The following ZSCAN26 variants were observed in gnomAD, a reference collection of about 807,000 sequenced individuals.
The protein encoded by ZSCAN26 is zinc finger and SCAN domain containing 26.
A neutral mutation model predicts 23.0 loss-of-function variants in ZSCAN26; 26 were observed. The ratio of observed to expected loss-of-function variants is 1.13; its 90% confidence interval spans 0.83 to 1.57. The LOEUF (loss-of-function observed/expected upper bound fraction) is 1.57. ZSCAN26 is among the 40% of genes most tolerant of loss of function. The probability of loss-of-function intolerance (pLI) is 0.00; values close to 1 mark genes in which losing one functional copy is unlikely to be tolerated. For synonymous variants in ZSCAN26, 180 were observed against 202.5 expected (o/e 0.89, Z 0.94); for missense variants, 528 against 568.5 (o/e 0.93, Z 0.72).
intron 3 of ZSCAN26, among the ~76,000 whole-genome samples, chr6:28,275,441 T>A (rs1410031630): frequency 6.6e-6 from 1 of 152,282 alleles, no homozygotes; most frequent in African/African-American, 2.4e-5. Context: ...ATTTGTTTAA[T>A]GTCTGTTATG....
chr6:28,267,721 G>A (rs1468482168), intron 1 of ZSCAN26, among the ~76,000 whole-genome samples: 1 of 152,112 alleles, frequency 6.6e-6, no homozygotes, highest in Non-Finnish European at 1.5e-5. Flanking sequence ...GAACTGTATC[G>A]TGTAAGGAAT....
At chr6:28,273,387 C>A (rs1287539257) in intron 3 of ZSCAN26, among the ~76,000 whole-genome samples, 1 of 152,048 alleles carries the variant, frequency 6.6e-6, no homozygotes, top group Non-Finnish European at 1.5e-5. Flanking sequence ...ACTAAAAATA[C>A]AAAAATTAGC....
Position 28,276,515 on chromosome 6 carries a change from G to A in ZSCAN26, c.859G>A (p.Glu287Lys), listed in dbSNP as rs752116217. The A allele has an allele frequency of 1.2e-6, 2 of 1,613,924 alleles. No individual in the cohort carries two copies. The highest frequency in any genetic ancestry group is 2.2e-5 in the South Asian group (2 of 91,038). The stretch of plus-strand genomic sequence containing the variant: ...TAGAGAGAAAGGTCATCAGTGTCAT[G>A]AGTGTGGGAAAGCCTTTCAGAGGAG... The part of the protein sequence containing the change: ...LSREKGHQCH[E>K]CGKAFQRSSH... Residue 287 changes from glutamate (E) to lysine (K), a missense_variant, in exon 4 of 4, where the codon GAG (glutamate) becomes AAG (lysine). Physicochemically the swap from Glu to Lys is moderately conservative, Grantham distance 56 (BLOSUM62 1). Coordinates refer to ENST00000421553, the MANE Select transcript of ZSCAN26 (RefSeq NM_001023560.4).
chr6:28,272,316 C>T lies in ZSCAN26; in HGVS notation c.397C>T (p.Leu133Phe). 1 of 1,551,480 alleles carries T rather than the reference C, an allele frequency of 6.4e-7. No individual in the cohort carries two copies. Among genetic ancestry groups the T allele is most frequent in the Non-Finnish European group, 8.7e-7 (1 of 1,147,742 alleles). ...VVVLEDLQLD[L>F]GETGQQVDPD... ...TGTTCTGGAGGATTTGCAGCTGGATCTTGGAGAAACAGGACAACAGGTGGT... is the reference window on the plus strand; with the variant it reads ...TGTTCTGGAGGATTTGCAGCTGGATTTTGGAGAAACAGGACAACAGGTGGT... The change falls in exon 2 of 4, where the codon CTT becomes TTT. Residue 133 changes from leucine (L) to phenylalanine (F), a missense_variant. By Grantham distance (22) the Leu-to-Phe change is conservative (BLOSUM62 0). Coordinates refer to ENST00000421553, the MANE Select transcript of ZSCAN26 (RefSeq NM_001023560.4).
At chr6:28,271,152 A>G (rs1761664377) in intron 1 of ZSCAN26, among the ~76,000 whole-genome samples, 1 of 152,020 alleles carries the variant, frequency 6.6e-6, no homozygotes, top group Non-Finnish European at 1.5e-5. Context: ...GACCTTCTGG[A>G]TACTATTGTC....
Position 28,271,962 on chromosome 6 carries a change from A to C in ZSCAN26, c.43A>C (p.Asn15His), listed in dbSNP as rs1365115805. The change falls in exon 2 of 4, where the codon AAT becomes CAT. Residue 15 changes from asparagine (N) to histidine (H), a missense_variant. Coordinates refer to ENST00000421553, the MANE Select transcript of ZSCAN26 (RefSeq NM_001023560.4). ...GAGTGCCCATTCCCTGGCTCCCCTG[A>C]ATCTGAAGAAGGAGGGGCTTCGGGT... Reference protein sequence around the residue: ...LVSAHSLAPLNLKKEGLRVVR... With the variant: ...LVSAHSLAPLHLKKEGLRVVR... The C allele has an allele frequency of 3.0e-5, 46 of 1,551,666 alleles. No individual in the cohort carries two copies. The highest frequency in any genetic ancestry group is 1.7e-4 in the Middle Eastern group (1 of 5,992).
chr6:28,277,211 G>A lies in ZSCAN26; in HGVS notation c.*115G>A. The A allele has an allele frequency of 9.6e-7, 1 of 1,046,494 alleles. No individual in the cohort carries two copies. Among genetic ancestry groups the A allele is most frequent in the Non-Finnish European group, 1.4e-6 (1 of 722,424 alleles). 64.8% of individuals were successfully genotyped at this position (1,046,494 alleles called of 1,614,324 possible). ...TCAGAAAATTCTTGGGGGCTGAGTTGGAGGCTCCCTGCCTCTATTCTCTCT... is the reference window on the plus strand; with the variant it reads ...TCAGAAAATTCTTGGGGGCTGAGTTAGAGGCTCCCTGCCTCTATTCTCTCT... On this transcript the variant is annotated 3_prime_UTR_variant, in exon 4 of 4. Transcript: ENST00000421553.
In ZSCAN26 at chr6:28,271,909, T is replaced by C. The variant is rs1047077588; in HGVS notation, c.-11T>C. On this transcript the variant is annotated 5_prime_UTR_variant, in exon 2 of 4. Coordinates refer to ENST00000421553, the MANE Select transcript of ZSCAN26 (RefSeq NM_001023560.4). ...GTTCTCCAAAACAAGGAGAACAGTC[T>C]GAAGCTGGGGATGGCAACAGCATTG... is the stretch of plus-strand genomic sequence containing the variant. The C allele has an allele frequency of 3.0e-5, 47 of 1,545,046 alleles. No individual in the cohort carries two copies. The highest frequency in any genetic ancestry group is 4.0e-5 in the Non-Finnish European group (46 of 1,143,892).
chr6:28,274,069 T>C (rs1761834500), intron 3 of ZSCAN26, among the ~76,000 whole-genome samples: 1 of 150,512 alleles, frequency 6.6e-6, no homozygotes, highest in Non-Finnish European at 1.5e-5. Context: ...TTTTGCTCCT[T>C]ACATTTTTTC....
Position 28,271,892 on chromosome 6 carries a change from A to G in ZSCAN26, c.-28A>G. ...GATACAGTCCAAAGAAAGTTCTCCA[A>G]AACAAGGAGAACAGTCTGAAGCTGG... On this transcript the variant is annotated 5_prime_UTR_variant, in exon 2 of 4. Transcript: ENST00000421553. 1 of 1,520,494 alleles carries G rather than the reference A, an allele frequency of 6.6e-7. No individual in the cohort carries two copies. Among genetic ancestry groups the G allele is most frequent in the Non-Finnish European group, 8.8e-7 (1 of 1,133,788 alleles). 94.2% of individuals were successfully genotyped at this position (1,520,494 alleles called of 1,614,324 possible). A position where few individuals can be genotyped will look rare whatever the true frequency, so the allele number is the denominator to read the frequency against.
At position 28,276,943 on chromosome 6, in the gene ZSCAN26, G is replaced by A. The variant is rs751403747; in HGVS notation, c.1287G>A (p.Gln429=). ...AACCTTTCAAGTGTAACATATGCCA[G>A]AAAGCCTTCCGACTAAACTCACACC... ...GEKPFKCNIC[Q]KAFRLNSHLA... The change falls in exon 4 of 4, where the codon CAG becomes CAA. Residue 429 remains glutamine (Q), a synonymous_variant. Coordinates refer to ENST00000421553, the MANE Select transcript of ZSCAN26 (RefSeq NM_001023560.4). The A allele has an allele frequency of 6.9e-5, 112 of 1,613,878 alleles. No homozygotes were observed. Among genetic ancestry groups the A allele is most frequent in the Non-Finnish European group, 9.4e-5 (111 of 1,179,886 alleles).
At chr6:28,269,357 C>T (rs1761590025) in intron 1 of ZSCAN26, among the ~76,000 whole-genome samples, 1 of 151,668 alleles carries the variant, frequency 6.6e-6, no homozygotes, top group Non-Finnish European at 1.5e-5. Flanking sequence ...ATACATATGC[C>T]TGTATTTGTG....
At chr6:28,269,966 C>G (rs1165668537) in intron 1 of ZSCAN26, among the ~76,000 whole-genome samples, 1 of 152,024 alleles carries the variant, frequency 6.6e-6, no homozygotes, top group Non-Finnish European at 1.5e-5. Flanking sequence ...TTTTTTGAGA[C>G]AGAGTCTCAC....
chr6:28,276,287 G>A lies in ZSCAN26; in HGVS notation c.631G>A (p.Glu211Lys). The change falls in exon 4 of 4, where the codon GAG becomes AAG. Residue 211 changes from glutamate to lysine, a missense_variant. Transcript: ENST00000421553. ...ESSGKISEPM[E>K]AHNEGSNLER... ...ATCTGGGAAAATATCTGAACCCATGGAGGCTCATAATGAGGGCTCTAACTT... is the reference window on the plus strand; with the variant it reads ...ATCTGGGAAAATATCTGAACCCATGAAGGCTCATAATGAGGGCTCTAACTT... 1 of 1,613,982 alleles carries A rather than the reference G, an allele frequency of 6.2e-7. No individual in the cohort carries two copies. The highest frequency in any genetic ancestry group is 1.7e-5 in the Admixed American group (1 of 60,022).
At chr6:28,268,241 T>A in intron 1 of ZSCAN26, among the ~76,000 whole-genome samples, 1 of 152,128 alleles carries the variant, frequency 6.6e-6, no homozygotes. Context: ...GCTCATTGTT[T>A]TATTATGCTG....
intron 3 of ZSCAN26, 148 bp downstream of exon 3, chr6:28,272,935 C>G (rs1761763717): frequency 3.1e-6 from 2 of 643,954 alleles, no homozygotes; most frequent in East Asian, 5.6e-5. Flanking sequence ...GTAAAATTCA[C>G]TCTTTTTAGA....
chr6:28,273,976 C>A (rs1026629980), intron 3 of ZSCAN26, among the ~76,000 whole-genome samples: 15 of 152,100 alleles, frequency 9.9e-5, no homozygotes, highest in Admixed American at 5.9e-4. Context: ...CCATTTGGGC[C>A]TCTCACAGTG....
chr6:28,269,971 T>A (rs1761616392), intron 1 of ZSCAN26, among the ~76,000 whole-genome samples: 1 of 152,086 alleles, frequency 6.6e-6, no homozygotes, highest in Non-Finnish European at 1.5e-5. Context: ...TGAGACAGAG[T>A]CTCACTCTGT....
Position 28,272,295 on chromosome 6 carries a change from C to T in ZSCAN26, c.376C>T (p.Leu126=), listed in dbSNP as rs763115822. 1.3e-6 allele frequency: 2 copies of T among 1,582,212 alleles called. No homozygotes were observed. Among genetic ancestry groups the T allele is most frequent in the South Asian group, 1.1e-5 (1 of 87,008 alleles). ...GAGCAGGGAGGACGTGGTTGTTGTT[C>T]TGGAGGATTTGCAGCTGGATCTTGG... ...PESREDVVVV[L]EDLQLDLGET... The change falls in exon 2 of 4, where the codon CTG becomes TTG. Residue 126 remains leucine (L), a synonymous_variant. Coordinates refer to ENST00000421553, the MANE Select transcript of ZSCAN26 (RefSeq NM_001023560.4).
Sources: allele counts gnomAD v4.1 joint callset (sites outside exome capture counted in the v4.1 genomes callset), GRCh38; gene constraint gnomAD v4.1.1; transcripts MANE v1.5; gene names NCBI Gene and HGNC (gene_info 2026-07-23, HGNC 2026-07-21).